Variants in SERPINE2 observed in about 807,000 individuals in gnomAD.
SERPINE2 encodes the protein glia-derived nexin.
In SERPINE2, 14 loss-of-function variants were observed where a neutral mutation model predicts 36.3. That is an observed-to-expected ratio of 0.39 (90% confidence interval 0.25 to 0.60). The LOEUF (loss-of-function observed/expected upper bound fraction) is 0.60. Ranked by LOEUF, SERPINE2 falls within the 20% of genes least tolerant of loss-of-function variation. The probability of loss-of-function intolerance (pLI) is 0.57; values close to 1 mark genes in which losing one functional copy is unlikely to be tolerated. For synonymous variants in SERPINE2, 192 were observed against 191.8 expected, an observed-to-expected ratio of 1.00 and a Z score of -0.01; for missense variants, 418 against 499.6, an observed-to-expected ratio of 0.84 and a Z score of 1.56.
chr2:223,992,313 A>T (rs1256271029), intron 3 of SERPINE2, among the ~76,000 whole-genome samples: 1 of 150,956 alleles, frequency 6.6e-6, no homozygotes, highest in Admixed American at 6.6e-5. Flanking sequence ...AATCTTACTC[A>T]TCCAAATAAG....
chr2:223,977,747 C>A, intron 7 of SERPINE2, 120 bp from the exon 8 acceptor site: 1 of 701,164 alleles, frequency 1.4e-6, no homozygotes, highest in Non-Finnish European at 2.6e-6. Flanking sequence ...ACACTTCATG[C>A]TTGTTCCATA....
intron 1 of SERPINE2, among the ~76,000 whole-genome samples, chr2:224,009,230 G>T (rs1691537389): frequency 6.6e-6 from 1 of 152,062 alleles, no homozygotes; most frequent in Non-Finnish European, 1.5e-5. Flanking sequence ...CTCAGGCACT[G>T]GGAAAGTCTC....
intron 1 of SERPINE2, chr2:224,038,540 T>C (rs1010988543): frequency 1.3e-6 from 2 of 1,550,268 alleles, no homozygotes; most frequent in East Asian, 2.4e-5. Context: ...ATGATGAAAA[T>C]AGCAAAGACC....
intron 3 of SERPINE2, among the ~76,000 whole-genome samples, chr2:223,993,595 A>C (rs1367815858): frequency 6.6e-6 from 1 of 152,052 alleles, no homozygotes; most frequent in Non-Finnish European, 1.5e-5. Context: ...ATATAAATAC[A>C]AGTTATACTA....
At chr2:223,995,960 G>C (rs536119391) in intron 3 of SERPINE2, among the ~76,000 whole-genome samples, 121 of 152,180 alleles carry the variant, frequency 8.0e-4, no homozygotes, top group African/African-American at 2.5e-3. Flanking sequence ...TTACAGTTTG[G>C]CACTGTCTCA....
intron 3 of SERPINE2, 121 bp from the exon 4 acceptor site, chr2:223,992,121 G>A (rs1019955972): frequency 3.6e-6 from 3 of 827,774 alleles, no homozygotes; most frequent in Non-Finnish European, 5.9e-6. Flanking sequence ...GAGTGTTAAA[G>A]AGAATCTTCT....
chr2:224,031,402 G>GA, intron 1 of SERPINE2: 1 of 985,566 alleles, frequency 1.0e-6, no homozygotes. Flanking sequence ...CCGTTGGGGG[G>GA]AAAACAGAAA....
chr2:224,000,772 T>C lies in SERPINE2; in HGVS notation c.259+870A>G, dbSNP rs147240640. Among the ~76,000 whole-genome samples the C allele has an allele frequency of 2.8e-4, 42 of 152,114 alleles. 1 individual carries two copies. The highest frequency in any genetic ancestry group is 1.0e-3 in the African/African-American group (42 of 41,470). Reference sequence around the variant, plus strand: ...TCATTGTTCAACTCCCACTTTTGAGTGAGAACATGCCGTGTTTGGTTTTCT... The same window carrying C: ...TCATTGTTCAACTCCCACTTTTGAGCGAGAACATGCCGTGTTTGGTTTTCT... On this transcript the variant is annotated intron_variant, in intron 2 of 8. Transcript: ENST00000409304.
Position 223,998,262 on chromosome 2 carries a change from C to T in SERPINE2, c.340G>A (p.Val114Met), listed in dbSNP as rs549448679. 98 of 1,614,164 alleles carry T rather than the reference C, an allele frequency of 6.1e-5. No homozygotes were observed. In the South Asian group the frequency reaches 6.9e-4, roughly 11 times the overall value. ...ATTTCAGAGGCATTCTTAACAAACACGGCGTTAGCCACTGTCACAATGTCT... is the reference window on the plus strand; with the variant it reads ...ATTTCAGAGGCATTCTTAACAAACATGGCGTTAGCCACTGTCACAATGTCT... ...NKDIVTVANAVFVKNASEIEV... is the reference protein window; with the variant it reads ...NKDIVTVANAMFVKNASEIEV... Residue 114 changes from valine to methionine, a missense_variant, in exon 3 of 9, where the codon GTG becomes ATG. Coordinates refer to ENST00000409304, the MANE Select transcript of SERPINE2 (RefSeq NM_001136528.2).
At chr2:224,025,200 G>A (rs1307827289) in intron 1 of SERPINE2, among the ~76,000 whole-genome samples, 1 of 152,156 alleles carries the variant, frequency 6.6e-6, no homozygotes, top group African/African-American at 2.4e-5. Flanking sequence ...GCTTCTCCCA[G>A]GGACAGGTCA....
At chr2:224,013,278 C>A (rs1323383526) in intron 1 of SERPINE2, among the ~76,000 whole-genome samples, 2 of 152,198 alleles carry the variant, frequency 1.3e-5, no homozygotes, top group Non-Finnish European at 1.5e-5. Context: ...GTGGTGCTCT[C>A]ACAGCCTAGA....
rs36049464 is a variant in SERPINE2 at position 223,993,530 on chromosome 2, A to ATGTGTGTGTGTG, written c.488-1542_488-1531dup. 9.2e-3 allele frequency among the ~76,000 whole-genome samples: 1,376 copies of ATGTGTGTGTGTG among 149,892 alleles called. 24 individuals are homozygous for ATGTGTGTGTGTG. Among genetic ancestry groups the ATGTGTGTGTGTG allele is most frequent in the African/African-American group, 0.032 (1,294 of 40,824 alleles). On this transcript the variant is annotated intron_variant, in intron 3 of 8. Coordinates refer to ENST00000409304, the MANE Select transcript of SERPINE2 (RefSeq NM_001136528.2). ...TTCACTGCATTATTAGCTCAAATAT[A>ATGTGTGTGTGTG]TGTGTGTGTGTGTGTGTGTGTGTGT...
At chr2:224,014,556 G>A (rs1691734481) in intron 1 of SERPINE2, among the ~76,000 whole-genome samples, 1 of 152,122 alleles carries the variant, frequency 6.6e-6, no homozygotes. Context: ...GGCGAGAGTG[G>A]GAATGTGTGT....
intron 8 of SERPINE2, among the ~76,000 whole-genome samples, chr2:223,976,276 A>C (rs1041183614): frequency 5.3e-5 from 8 of 152,056 alleles, no homozygotes; most frequent in Non-Finnish European, 1.2e-4. Flanking sequence ...TCAGCCTCCC[A>C]AGTAGCTGGG....
intron 4 of SERPINE2, 183 bp from the exon 5 acceptor site, chr2:223,985,133 TCTC>T: frequency 1.7e-6 from 1 of 603,380 alleles, no homozygotes; most frequent in East Asian, 2.8e-5. Context: ...AGTGAAGAAT[TCTC>T]CTTTCTTCAG....
At chr2:224,037,323 A>C (rs1242374811) in intron 1 of SERPINE2, among the ~76,000 whole-genome samples, 2 of 152,194 alleles carry the variant, frequency 1.3e-5, no homozygotes, top group Non-Finnish European at 1.5e-5. Flanking sequence ...AAAGCATTGG[A>C]GATCGCTTGC....
At chr2:223,977,920 G>C (rs1690072404) in intron 7 of SERPINE2, 2 of 308,586 alleles carry the variant, frequency 6.5e-6, no homozygotes, top group Non-Finnish European at 1.2e-5. Flanking sequence ...ATAATTAAAT[G>C]ACATAAGATA....
intron 1 of SERPINE2, among the ~76,000 whole-genome samples, chr2:224,028,503 G>T (rs2106199407): frequency 6.6e-6 from 1 of 152,240 alleles, no homozygotes; most frequent in East Asian, 1.9e-4. Flanking sequence ...TCAGCCACAT[G>T]GCTTAGCCTC....
chr2:224,004,076 C>T (rs6742903), intron 1 of SERPINE2, among the ~76,000 whole-genome samples: 14,607 of 152,236 alleles, frequency 0.096, 859 homozygotes, highest in East Asian at 0.21. Context: ...GAGATTAATC[C>T]GATGGCTCAT....
Sources: allele counts gnomAD v4.1 joint callset (sites outside exome capture counted in the v4.1 genomes callset), GRCh38; gene constraint gnomAD v4.1.1; transcripts MANE v1.5; gene names NCBI Gene and HGNC (gene_info 2026-07-23, HGNC 2026-07-21).